The following BRCA1 variants were observed in gnomAD, a reference collection of about 807,000 sequenced individuals.
The protein encoded by BRCA1 is BRCA1 DNA repair associated.
In BRCA1, 140 loss-of-function variants were observed where a neutral mutation model predicts 173.7. The ratio of observed to expected loss-of-function variants is 0.81; its 90% CI spans 0.70 to 0.93. BRCA1 has a LOEUF of 0.93. BRCA1 is among the 40% of genes least tolerant of loss of function. The pLI is 0.00. For synonymous variants in BRCA1, 662 were observed against 756.0 expected (o/e 0.88, Z 2.04); for missense variants, 1,983 against 2,172.5 (o/e 0.91, Z 1.73).
In BRCA1 at chr17:43,045,793, T is replaced by A. The variant is rs730881499; in HGVS notation, c.5477A>T (p.Gln1826Leu). The A allele has an allele frequency of 1.4e-5, 22 of 1,614,020 alleles. No individual in the cohort carries two copies. ...TEDNGFHAIG[Q>L]MCEAPVVTRE... ...GGTCACCACAGGTGCCTCACACATC[T>A]GCCCAATTGCTGGAGACAGAGAACA... The change falls in exon 23 of 23, where the codon CAG becomes CTG. Residue 1826 changes from glutamine (Q) to leucine (L), a missense_variant. Physicochemically the swap from Gln to Leu is moderately radical, Grantham distance 113. Transcript: ENST00000357654.
At chr17:43,081,805 CCT>C (rs1289531757) in intron 12 of BRCA1, among the ~76,000 whole-genome samples, 1 of 152,208 alleles carries the variant, frequency 6.6e-6, no homozygotes, top group Non-Finnish European at 1.5e-5. Flanking sequence ...CCAATGGCAT[CCT>C]CTCAGAGGTC....
At position 43,067,836 on chromosome 17, in the gene BRCA1, A is replaced by ATTTT. The variant is rs11421283; in HGVS notation, c.4987-145_4987-142dup. 37,724 of 212,004 alleles carry ATTTT rather than the reference A, an allele frequency of 0.18. 3,778 individuals are homozygous for ATTTT. Among genetic ancestry groups the ATTTT allele is most frequent in the South Asian group, 0.22 (4,753 of 21,258 alleles). 13.1% of individuals were successfully genotyped at this position (212,004 alleles called of 1,614,324 possible). A position where few individuals can be genotyped will look rare whatever the true frequency, so the allele number is the denominator to read the frequency against. On this transcript the variant is annotated intron_variant, in intron 15 of 22. Transcript: ENST00000357654. Reference sequence around the variant, plus strand: ...CGTGTCCTGGAACTATTTAAAGTGAATTTTTTTTTTTTTTTTTTTAGACAG... The same window carrying ATTTT: ...CGTGTCCTGGAACTATTTAAAGTGAATTTTTTTTTTTTTTTTTTTTTTTAGACAG...
intron 1 of BRCA1, chr17:43,142,412 A>G (rs1307027467): frequency 6.6e-6 from 1 of 152,290 alleles, no homozygotes; most frequent in Non-Finnish European, 1.5e-5. Flanking sequence ...TGACTCTTCA[A>G]TGGCAACCAT....
chr17:43,071,059 T>C lies in BRCA1; in HGVS notation c.4855A>G (p.Thr1619Ala), dbSNP rs2153830785. ...GCATTATACCCAGCAGTATCAGTAG[T>C]ATGAGCAGCAGCTGGACTCTGGGCA... The part of the protein sequence containing the change: ...ESAQSPAAAH[T>A]TDTAGYNAME... Residue 1619 changes from threonine (T) to alanine (A), a missense_variant, in exon 15 of 23, where the codon ACT becomes GCT. By Grantham distance (58) the Thr-to-Ala change is moderately conservative. Coordinates refer to ENST00000357654, the MANE Select transcript of BRCA1 (RefSeq NM_007294.4). The C allele has an allele frequency of 1.9e-6, 3 of 1,614,184 alleles. No homozygotes were observed. Among genetic ancestry groups the C allele is most frequent in the East Asian group, 2.2e-5 (1 of 44,882 alleles).
Position 43,061,103 on chromosome 17 carries a change from G to C in BRCA1, c.5193+2230C>G, listed in dbSNP as rs146299550. ...ATTGTGCCACTGCACTCCAGCCTGG[G>C]GGATAGAGGGAGACACCATCTCAAA... On this transcript the variant is annotated intron_variant, in intron 18 of 22. Coordinates refer to ENST00000357654, the MANE Select transcript of BRCA1 (RefSeq NM_007294.4). Among the ~76,000 whole-genome samples, 98 of 152,178 alleles carry C rather than the reference G, an allele frequency of 6.4e-4. No individual in the cohort carries two copies. The East Asian group carries it at 0.018, about 27-fold the overall frequency.
intron 19 of BRCA1, among the ~76,000 whole-genome samples, chr17:43,055,473 C>G (rs2051420337): frequency 6.6e-6 from 1 of 151,172 alleles, no homozygotes. Context: ...CATGGCAAAA[C>G]CCCATCTCTA....
intron 1 of BRCA1, among the ~76,000 whole-genome samples, chr17:43,169,395 C>A (rs1320967012): frequency 6.6e-6 from 1 of 152,198 alleles, no homozygotes; most frequent in Non-Finnish European, 1.5e-5. Flanking sequence ...TCTCGAACTC[C>A]TGACCTCGTG....
chr17:43,075,749 TACTGGAC>T, intron 13 of BRCA1, among the ~76,000 whole-genome samples: 1 of 152,212 alleles, frequency 6.6e-6, no homozygotes, highest in South Asian at 2.1e-4. Context: ...AAAAGAATAG[TACTGGAC>T]TACATAGTCC....
intron 11 of BRCA1, among the ~76,000 whole-genome samples, chr17:43,087,770 T>G (rs1597854107): frequency 6.6e-6 from 1 of 152,004 alleles, no homozygotes; most frequent in Non-Finnish European, 1.5e-5. Context: ...GGTCTCACCA[T>G]ATCACCCAGG....
At chr17:43,140,685 G>C (rs1245665822) in intron 1 of BRCA1, among the ~76,000 whole-genome samples, 1 of 152,134 alleles carries the variant, frequency 6.6e-6, no homozygotes, top group East Asian at 1.9e-4. Flanking sequence ...CCAGCATGCT[G>C]TCCCACACTG....
At chr17:43,105,092 A>AT in intron 4 of BRCA1, 136 bp from the exon 5 acceptor site, 1 of 711,886 alleles carries the variant, frequency 1.4e-6, no homozygotes, top group African/African-American at 1.8e-5. Flanking sequence ...TCAATACATC[A>AT]TTGACATCTG....
intron 16 of BRCA1, among the ~76,000 whole-genome samples, chr17:43,066,812 C>CTTTTTTTT (rs34253779): frequency 8.9e-5 from 10 of 112,276 alleles, no homozygotes; most frequent in African/African-American, 3.5e-4. Flanking sequence ...CCCTCCAAAC[C>CTTTTTTTT]TTTTTTTTTT....
At chr17:43,160,847 A>T (rs774110201) in intron 1 of BRCA1, 6 of 152,178 alleles carry the variant, frequency 3.9e-5, no homozygotes, top group Non-Finnish European at 7.3e-5. Flanking sequence ...TGGTATACTA[A>T]GGTAGCGATG....
chr17:43,098,113 C>T (rs1260284278), intron 7 of BRCA1, among the ~76,000 whole-genome samples: 1 of 148,992 alleles, frequency 6.7e-6, no homozygotes, highest in African/African-American at 2.5e-5. Flanking sequence ...CAGCCTCAAA[C>T]TCCTGGGTTC....
At position 43,058,379 on chromosome 17, in the gene BRCA1, A is replaced by AAC. The variant is rs745316469; in HGVS notation, c.5194-1246_5194-1245dup. The stretch of plus-strand genomic sequence containing the variant: ...ACAAAGTGAGACTCTGCTAAAAAAA[A>AAC]ACACACACACACACACACATAAAAC... On this transcript the variant is annotated intron_variant, in intron 18 of 22. Transcript: ENST00000357654. Among the ~76,000 whole-genome samples the AAC allele has an allele frequency of 6.7e-3, 1,010 of 150,170 alleles. 22 individuals are homozygous for AAC. The highest frequency in any genetic ancestry group is 0.05 in the East Asian group (258 of 5,114).
intron 1 of BRCA1, among the ~76,000 whole-genome samples, chr17:43,137,056 A>C (rs2056030701): frequency 6.6e-6 from 1 of 152,278 alleles, no homozygotes; most frequent in South Asian, 2.1e-4. Flanking sequence ...GATAGACTGG[A>C]TTAAGAAAAT....
At chr17:43,112,809 G>GT (rs1255460785) in intron 3 of BRCA1, among the ~76,000 whole-genome samples, 2,027 of 132,846 alleles carry the variant, frequency 0.015, 31 homozygotes, top group Middle Eastern at 0.049. Context: ...GTTTTTTGTT[G>GT]TTTTTTTTTT....
At position 43,051,795 on chromosome 17, in the gene BRCA1, C is replaced by T. The variant is rs564259164; in HGVS notation, c.5278-678G>A. ...GGGATTACAGGCGCGCACCACCACGCCCGGCTAATTTTTGTATTTTTAGTA... is the reference window on the plus strand; with the variant it reads ...GGGATTACAGGCGCGCACCACCACGTCCGGCTAATTTTTGTATTTTTAGTA... On this transcript the variant is annotated intron_variant, in intron 19 of 22. Coordinates refer to ENST00000357654, the MANE Select transcript of BRCA1 (RefSeq NM_007294.4). 5.3e-5 allele frequency among the ~76,000 whole-genome samples: 8 copies of T among 152,104 alleles called. No individual in the cohort carries two copies. The South Asian group carries it at 1.7e-3, about 32-fold the overall frequency.
At chr17:43,061,739 C>T (rs188215342) in intron 18 of BRCA1, among the ~76,000 whole-genome samples, 6 of 152,014 alleles carry the variant, frequency 3.9e-5, no homozygotes, top group African/African-American at 1.5e-4. Flanking sequence ...CATGCCACCA[C>T]GCTCGACTAA....
Sources: gnomAD v4.1 joint callset for allele counts (sites outside exome capture counted in the v4.1 genomes callset) on GRCh38, gnomAD v4.1.1 for gene constraint, MANE v1.5 for transcripts, NCBI Gene and HGNC (gene_info 2026-07-23, HGNC 2026-07-21) for gene names.